Variants in PRKCH observed in about 807,000 individuals in gnomAD.
The protein encoded by PRKCH is protein kinase C eta.
Under a neutral mutation model 82.5 loss-of-function variants are expected in PRKCH, and 28 were observed. That is an observed-to-expected ratio of 0.34 (90% CI 0.25 to 0.47). PRKCH has a LOEUF of 0.47. PRKCH is among the 20% of genes least tolerant of loss of function. The probability of loss-of-function intolerance (pLI) is 1.00; values close to 1 mark genes in which losing one functional copy is unlikely to be tolerated. For synonymous variants in PRKCH, 322 were observed against 327.4 expected, an observed-to-expected ratio of 0.98 and a Z score of 0.18; for missense variants, 705 against 881.8, an observed-to-expected ratio of 0.80 and a Z score of 2.54.
chr14:61,280,224 C>G lies in PRKCH; in HGVS notation c.-19+92556C>G, dbSNP rs539603647. ...GGAAGGGGTTCTTGCCACCCATCCA[C>G]GAGATGCTGCTGAAGATGAGGAGCT... On this transcript the variant is annotated intron_variant, in intron 1 of 3. Coordinates refer to the PRKCH transcript ENST00000555185. The surrounding 1 kb of genome is among the most constrained non-coding windows in gnomAD (Gnocchi z 5.0). 6.2e-7 allele frequency: 1 copy of G among 1,614,114 alleles called. No homozygotes were observed. The highest frequency in any genetic ancestry group is 1.1e-5 in the South Asian group (1 of 91,082).
intron 1 of PRKCH, among the ~76,000 whole-genome samples, chr14:61,363,130 G>C (rs2046251951): frequency 6.6e-6 from 1 of 152,170 alleles, no homozygotes; most frequent in South Asian, 2.1e-4. Context: ...GCCTTTCCAT[G>C]TCAATAGCAT....
At chr14:61,500,779 G>T (rs1048930558) in intron 10 of PRKCH, among the ~76,000 whole-genome samples, 4 of 152,104 alleles carry the variant, frequency 2.6e-5, no homozygotes, top group Non-Finnish European at 4.4e-5. Context: ...GCTCAAGGGT[G>T]AATTACCAAA....
intron 1 of PRKCH, among the ~76,000 whole-genome samples, chr14:61,345,672 G>T (rs984220558): frequency 6.6e-6 from 1 of 152,194 alleles, no homozygotes; most frequent in African/African-American, 2.4e-5. Context: ...TTAATCCTCA[G>T]AATACCTTCA....
chr14:61,462,951 T>G (rs1885094966), intron 9 of PRKCH: 1 of 152,380 alleles, frequency 6.6e-6, no homozygotes, highest in Non-Finnish European at 1.5e-5. Flanking sequence ...TGACTCTGAC[T>G]CCATATGTTG....
chr14:61,520,898 CTAAA>C (rs1199532683), intron 10 of PRKCH, among the ~76,000 whole-genome samples: 4 of 152,088 alleles, frequency 2.6e-5, no homozygotes, highest in African/African-American at 7.2e-5. Flanking sequence ...AAAATGTATC[CTAAA>C]TAAACACTCC....
chr14:61,320,221 G>GAAGA (rs887189909), upstream of PRKCH, among the ~76,000 whole-genome samples: 1 of 152,034 alleles, frequency 6.6e-6, no homozygotes, highest in East Asian at 1.9e-4. Context: ...AGGAGGGAAG[G>GAAGA]AAGAAAGAAA....
intron 1 of PRKCH, among the ~76,000 whole-genome samples, chr14:61,290,065 G>A (rs931511828): frequency 2.6e-5 from 4 of 152,116 alleles, no homozygotes; most frequent in Admixed American, 6.5e-5. Flanking sequence ...AGGCTGAGGC[G>A]GGCAGATCAC....
intron 1 of PRKCH, among the ~76,000 whole-genome samples, chr14:61,377,064 T>C (rs1409802931): frequency 1.3e-5 from 2 of 152,190 alleles, no homozygotes; most frequent in African/African-American, 4.8e-5. Flanking sequence ...GTGGGTATCA[T>C]GGAAGAAGTC....
At chr14:61,452,243 A>T (rs965937841) in intron 6 of PRKCH, among the ~76,000 whole-genome samples, 1 of 152,102 alleles carries the variant, frequency 6.6e-6, no homozygotes, top group East Asian at 1.9e-4. Context: ...TGGGTTTCCC[A>T]TGAAGCTTAA....
At chr14:61,220,911 G>A (rs938210835) in intron 1 of PRKCH, among the ~76,000 whole-genome samples, 8 of 152,176 alleles carry the variant, frequency 5.3e-5, no homozygotes, top group African/African-American at 1.7e-4. Context: ...CTGGCAGACA[G>A]CCCACGTTCT....
intron 1 of PRKCH, among the ~76,000 whole-genome samples, chr14:61,209,277 C>A (rs1166843744): frequency 1.1e-5 from 1 of 95,018 alleles, no homozygotes; most frequent in Admixed American, 1.1e-4. Context: ...TCTGTTACAA[C>A]AATACAAAAT....
intron 10 of PRKCH, among the ~76,000 whole-genome samples, chr14:61,494,811 A>G (rs1449304048): frequency 6.6e-6 from 1 of 152,244 alleles, no homozygotes; most frequent in Non-Finnish European, 1.5e-5. Flanking sequence ...AACCTTCTGA[A>G]GACCAGTCTC....
intron 1 of PRKCH, among the ~76,000 whole-genome samples, chr14:61,193,972 C>G (rs2044424989): frequency 6.6e-6 from 1 of 152,108 alleles, no homozygotes; most frequent in African/African-American, 2.4e-5. Context: ...ATAGGCCCAC[C>G]ATGGCTGTCT....
chr14:61,487,029 C>T (rs561380272), intron 10 of PRKCH, among the ~76,000 whole-genome samples: 18 of 152,124 alleles, frequency 1.2e-4, no homozygotes, highest in Admixed American at 9.8e-4. Flanking sequence ...TCTTAAATAC[C>T]GTGGGAGTCA....
chr14:61,356,343 G>A (rs1335890336), intron 1 of PRKCH, among the ~76,000 whole-genome samples: 1 of 152,120 alleles, frequency 6.6e-6, no homozygotes, highest in South Asian at 2.1e-4. Context: ...GTGCTCCTTC[G>A]TAATCCAGAT....
At chr14:61,457,875 C>G (rs559229914) in intron 9 of PRKCH, among the ~76,000 whole-genome samples, 196 bp downstream of exon 9, 1 of 152,204 alleles carries the variant, frequency 6.6e-6, no homozygotes, top group Admixed American at 6.5e-5. Context: ...CACCCCTTCC[C>G]CTTGTGCTGT....
intron 1 of PRKCH, among the ~76,000 whole-genome samples, chr14:61,285,500 T>C (rs567157040): frequency 3.2e-4 from 48 of 152,338 alleles, no homozygotes; most frequent in African/African-American, 1.1e-3. Context: ...CCAAAATGAT[T>C]GTTAGTGTGT....
chr14:61,227,466 C>T (rs1029439402), intron 1 of PRKCH, among the ~76,000 whole-genome samples: 3 of 152,074 alleles, frequency 2.0e-5, no homozygotes, highest in African/African-American at 4.8e-5. Context: ...TGGTGGCGAG[C>T]GCCCGTAGTC....
At chr14:61,336,939 C>T (rs11158338) in intron 1 of PRKCH, among the ~76,000 whole-genome samples, 83,427 of 151,330 alleles carry the variant, frequency 0.55, 25,848 homozygotes, top group Non-Finnish European at 0.69. Context: ...CTTGGTGGTA[C>T]GCACCTGTAA....
Sources: gnomAD v4.1 joint callset for allele counts (sites outside exome capture counted in the v4.1 genomes callset) on GRCh38, gnomAD v4.1.1 for gene constraint, Gnocchi (gnomAD v3.1) non-coding constraint, MANE v1.5 for transcripts, NCBI Gene and HGNC (gene_info 2026-07-23, HGNC 2026-07-21) for gene names.